Variants in EPHB1 observed in about 807,000 individuals in gnomAD.
The protein encoded by EPHB1 is ephrin type-B receptor 1.
In EPHB1, 30 loss-of-function variants were observed where a neutral mutation model predicts 94.4. The ratio of observed to expected loss-of-function variants is 0.32; its 90% CI spans 0.24 to 0.43. EPHB1 has a LOEUF of 0.43. Among genes scored for constraint, EPHB1 ranks in the 20% least tolerant of loss-of-function variants. The pLI is 1.00. For missense variants in EPHB1, 1,055 were observed against 1,308.3 expected (o/e 0.81, Z 2.99); for synonymous variants, 522 against 489.1 (o/e 1.07, Z -0.89).
intron 5 of EPHB1, among the ~76,000 whole-genome samples, chr3:135,142,794 G>C (rs752085747): frequency 6.6e-6 from 1 of 152,178 alleles, no homozygotes. Flanking sequence ...GGAGGGCAAG[G>C]CTCAGGGTAG....
chr3:135,192,464 C>A, intron 10 of EPHB1, 112 bp from the exon 11 acceptor site: 1 of 1,323,660 alleles, frequency 7.6e-7, no homozygotes, highest in Non-Finnish European at 1.0e-6. Context: ...TAATTTCCGC[C>A]ACTTTAATCA....
chr3:134,858,418 T>C lies in EPHB1; in HGVS notation c.58+62729T>C, dbSNP rs1348498066. Among the ~76,000 whole-genome samples the C allele has an allele frequency of 5.9e-5, 9 of 152,298 alleles. No individual in the cohort carries two copies. In the East Asian group the frequency reaches 1.7e-3, roughly 29 times the overall value. On this transcript the variant is annotated intron_variant, in intron 1 of 15. Transcript: ENST00000398015. ...GAGTAAACAGGGAGAATGTATCTGATGTCCAGGTAATTACTGCCGAACATC... is the reference window on the plus strand; with the variant it reads ...GAGTAAACAGGGAGAATGTATCTGACGTCCAGGTAATTACTGCCGAACATC...
chr3:135,234,117 C>CCTAT (rs1559884852), intron 12 of EPHB1, among the ~76,000 whole-genome samples: 1 of 152,086 alleles, frequency 6.6e-6, no homozygotes, highest in Non-Finnish European at 1.5e-5. Flanking sequence ...GTTTTTCTTT[C>CCTAT]CTATCTCATT....
At chr3:134,957,615 C>T (rs1447499988) in intron 3 of EPHB1, among the ~76,000 whole-genome samples, 1 of 152,066 alleles carries the variant, frequency 6.6e-6, no homozygotes, top group Non-Finnish European at 1.5e-5. Flanking sequence ...CCGAAAAGGG[C>T]TCTTGGCAGG....
At chr3:134,921,903 G>A (rs931096812) in intron 1 of EPHB1, among the ~76,000 whole-genome samples, 4 of 152,164 alleles carry the variant, frequency 2.6e-5, no homozygotes, top group Non-Finnish European at 4.4e-5. Flanking sequence ...GCAGAGGGAC[G>A]GGGGAGGTTG....
intron 1 of EPHB1, among the ~76,000 whole-genome samples, chr3:134,918,783 A>G (rs1433262230): frequency 5.9e-5 from 9 of 152,230 alleles, no homozygotes; most frequent in African/African-American, 1.9e-4. Context: ...CATAGTTCAG[A>G]TAATGATGCA....
chr3:135,198,390 A>T (rs1942676986), intron 11 of EPHB1, among the ~76,000 whole-genome samples: 1 of 152,220 alleles, frequency 6.6e-6, no homozygotes, highest in South Asian at 2.1e-4. Flanking sequence ...AAGGATCTAA[A>T]CATATTCTGT....
chr3:134,909,823 A>C (rs2038414201), intron 1 of EPHB1, among the ~76,000 whole-genome samples: 2 of 152,202 alleles, frequency 1.3e-5, no homozygotes, highest in Admixed American at 6.5e-5. Context: ...TTCCAGCATT[A>C]CAAGAGGAAG....
At chr3:135,050,029 C>G (rs1937123772) in intron 3 of EPHB1, among the ~76,000 whole-genome samples, 1 of 152,178 alleles carries the variant, frequency 6.6e-6, no homozygotes, top group Non-Finnish European at 1.5e-5. Flanking sequence ...GTCTTCACAG[C>G]CAAGGCATTT....
At chr3:134,922,240 T>C (rs558608074) in intron 1 of EPHB1, among the ~76,000 whole-genome samples, 2 of 151,934 alleles carry the variant, frequency 1.3e-5, no homozygotes, top group African/African-American at 4.8e-5. Flanking sequence ...TAAATGCAAA[T>C]GAGTGCGCTC....
intron 3 of EPHB1, among the ~76,000 whole-genome samples, chr3:135,021,064 A>G (rs1237566439): frequency 6.6e-6 from 1 of 152,064 alleles, no homozygotes; most frequent in East Asian, 1.9e-4. Context: ...CCAGTGTTGT[A>G]TTTTCTAATT....
intron 10 of EPHB1, among the ~76,000 whole-genome samples, chr3:135,184,149 G>C (rs1381102074): frequency 6.6e-6 from 1 of 152,068 alleles, no homozygotes; most frequent in East Asian, 1.9e-4. Flanking sequence ...TAGTGAGCTT[G>C]GTGCCTGGAG....
At chr3:134,989,982 T>A (rs1211288965) in intron 3 of EPHB1, among the ~76,000 whole-genome samples, 1 of 152,166 alleles carries the variant, frequency 6.6e-6, no homozygotes, top group African/African-American at 2.4e-5. Context: ...TACTTTTAAT[T>A]TCTTTTTTTA....
chr3:135,075,423 A>G (rs1053368227), intron 3 of EPHB1, among the ~76,000 whole-genome samples: 1 of 152,118 alleles, frequency 6.6e-6, no homozygotes, highest in African/African-American at 2.4e-5. Flanking sequence ...CTCCAATTAC[A>G]GGGCCCCCAT....
rs1352933797 is a variant in EPHB1, at chr3:134,845,739, A to G, written c.58+50050A>G. Among the ~76,000 whole-genome samples the G allele has an allele frequency of 2.6e-4, 39 of 152,220 alleles. 1 individual carries two copies. The highest frequency in any genetic ancestry group is 2.6e-3 in the Admixed American group (39 of 15,286). On this transcript the variant is annotated intron_variant, in intron 1 of 15. Transcript: ENST00000398015. ...TGCTCACATTGCCTCTCTAGGAGGT[A>G]TAATTTTATTTTTCCTGCCACTATC...
chr3:135,040,362 CA>C (rs1388251219), intron 3 of EPHB1, among the ~76,000 whole-genome samples: 1 of 152,218 alleles, frequency 6.6e-6, no homozygotes, highest in Non-Finnish European at 1.5e-5. Flanking sequence ...TTCTATCAGG[CA>C]GGGGTGTCTT....
chr3:135,259,079 A>G lies in EPHB1; in HGVS notation c.2914A>G (p.Met972Val), dbSNP rs759878527. ...QKKILNSIHS[M>V]RVQISQSPTA... ...GAAGATCCTGAACAGCATTCATTCT[A>G]TGAGGGTCCAGATAAGTCAGTCACC... The change falls in exon 16 of 16, where the codon ATG becomes GTG. Residue 972 changes from methionine (M) to valine (V), a missense_variant. By Grantham distance (21) the Met-to-Val change is conservative. Transcript: ENST00000398015. 9 of 1,610,568 alleles carry G rather than the reference A, an allele frequency of 5.6e-6. No homozygotes were observed. The highest frequency in any genetic ancestry group is 2.2e-5 in the East Asian group (1 of 44,822).
chr3:135,020,932 A>T (rs28338), intron 3 of EPHB1, among the ~76,000 whole-genome samples: 101,271 of 151,974 alleles, frequency 0.67, 34,613 homozygotes, highest in East Asian at 0.9. Flanking sequence ...TAGTCAATTG[A>T]CGTAGTGTAT....
chr3:135,025,241 A>C (rs1224452225), intron 3 of EPHB1, among the ~76,000 whole-genome samples: 1 of 124,564 alleles, frequency 8.0e-6, no homozygotes, highest in African/African-American at 2.8e-5. Context: ...TTTAAGTTTT[A>C]GGGTACATGT....
Sources: gnomAD v4.1 joint callset for allele counts (sites outside exome capture counted in the v4.1 genomes callset) on GRCh38, gnomAD v4.1.1 for gene constraint, MANE v1.5 for transcripts, NCBI Gene and HGNC (gene_info 2026-07-23, HGNC 2026-07-21) for gene names.